The following SNX9 variants were observed in gnomAD, a reference collection of about 807,000 sequenced individuals.
The protein encoded by SNX9 is sorting nexin 9.
In SNX9, 44 loss-of-function variants were observed where a neutral mutation model predicts 89.4. The observed-to-expected ratio is 0.49, with a 90% CI of 0.39 to 0.63. The LOEUF (loss-of-function observed/expected upper bound fraction) is 0.63, where lower values mean the gene tolerates loss of function less well. SNX9 is among the 30% of genes least tolerant of loss of function. The pLI is 0.00. For synonymous variants in SNX9, 236 were observed against 247.8 expected (o/e 0.95, Z 0.45); for missense variants, 578 against 736.1 (o/e 0.79, Z 2.49).
At position 157,834,150 on chromosome 6, in the gene SNX9, GTTTTTTTTTTTTTTTTT is replaced by G. The variant is rs561509955; in HGVS notation, c.12+10723_12+10739del. 2.3e-3 allele frequency among the ~76,000 whole-genome samples: 82 copies of G among 35,652 alleles called. 2 individuals carry two copies. The highest frequency in any genetic ancestry group is 3.3e-3 in the East Asian group (3 of 902). 23.4% of individuals were successfully genotyped at this position (35,652 alleles called of 152,430 possible). A position where few individuals can be genotyped will look rare whatever the true frequency, so the allele number is the denominator to read the frequency against. On this transcript the variant is annotated intron_variant, in intron 1 of 17. Transcript: ENST00000392185. Reference sequence around the variant, plus strand: ...ATCCTGCCATGTGGTGTCCACTGTGGTTTTTTTTTTTTTTTTTTTTTTTTTTTTTTTTTTTGAGTCAG... The same window carrying G: ...ATCCTGCCATGTGGTGTCCACTGTGGTTTTTTTTTTTTTTTTTTGAGTCAG...
intron 5 of SNX9, among the ~76,000 whole-genome samples, chr6:157,899,207 A>G (rs1271039855): frequency 6.6e-6 from 1 of 151,248 alleles, no homozygotes; most frequent in Non-Finnish European, 1.5e-5. Flanking sequence ...TTACTTCTTC[A>G]CTCTCATCTT....
chr6:157,932,552 T>C (rs1440080172), intron 13 of SNX9, among the ~76,000 whole-genome samples: 1 of 152,170 alleles, frequency 6.6e-6, no homozygotes, highest in African/African-American at 2.4e-5. Flanking sequence ...TTCATTTCTC[T>C]GCCAAGTCTT....
intron 7 of SNX9, among the ~76,000 whole-genome samples, chr6:157,909,450 G>A (rs1004219379): frequency 7.9e-5 from 12 of 152,168 alleles, no homozygotes; most frequent in East Asian, 1.9e-4. Flanking sequence ...AGCTACTCAC[G>A]TGGGAGCAGA....
chr6:157,863,539 A>C (rs34652677), intron 1 of SNX9, among the ~76,000 whole-genome samples: 1 of 152,254 alleles, frequency 6.6e-6, no homozygotes, highest in Non-Finnish European at 1.5e-5. Context: ...GACCAGGACT[A>C]GGTGGAAATT....
intron 4 of SNX9, among the ~76,000 whole-genome samples, chr6:157,884,678 A>G (rs932569875): frequency 1.6e-4 from 25 of 152,100 alleles, no homozygotes; most frequent in Non-Finnish European, 5.9e-5. Flanking sequence ...ATTTATGGAC[A>G]TTTGCCTTCA....
At chr6:157,925,916 G>C (rs1259613578) in intron 10 of SNX9, among the ~76,000 whole-genome samples, 1 of 150,886 alleles carries the variant, frequency 6.6e-6, no homozygotes, top group Non-Finnish European at 1.5e-5. Flanking sequence ...AGCATTTGCT[G>C]TCTGGTGAGG....
chr6:157,870,859 C>T (rs1782392405), intron 2 of SNX9, among the ~76,000 whole-genome samples: 1 of 150,886 alleles, frequency 6.6e-6, no homozygotes, highest in African/African-American at 2.4e-5. Flanking sequence ...CCTGCTCTCA[C>T]ACAGATGCAG....
At chr6:157,914,155 G>A (rs1783409278) in intron 9 of SNX9, among the ~76,000 whole-genome samples, 1 of 152,134 alleles carries the variant, frequency 6.6e-6, no homozygotes, top group Admixed American at 6.5e-5. Context: ...ACCTGCACTT[G>A]ATAGTGTCAG....
intron 1 of SNX9, among the ~76,000 whole-genome samples, chr6:157,862,665 T>C (rs1328300600): frequency 1.3e-5 from 2 of 152,216 alleles, no homozygotes; most frequent in African/African-American, 4.8e-5. Context: ...ATGAACTTTT[T>C]TTATTGCCAG....
chr6:157,911,167 G>A (rs1207645548), intron 9 of SNX9, among the ~76,000 whole-genome samples: 1 of 152,100 alleles, frequency 6.6e-6, no homozygotes, highest in Non-Finnish European at 1.5e-5. Flanking sequence ...CAGACTTAAA[G>A]GTTAGACAGA....
intron 6 of SNX9, among the ~76,000 whole-genome samples, chr6:157,903,103 A>G (rs915964562): frequency 6.6e-6 from 1 of 152,148 alleles, no homozygotes; most frequent in Admixed American, 6.5e-5. Flanking sequence ...CTTGAAGGAG[A>G]TATATTAGTA....
chr6:157,825,086 A>G (rs1247336552), intron 1 of SNX9, among the ~76,000 whole-genome samples: 1 of 152,106 alleles, frequency 6.6e-6, no homozygotes. Flanking sequence ...TGTCTCTACT[A>G]AAAATACAGA....
chr6:157,905,889 G>T (rs1783205331), intron 6 of SNX9, among the ~76,000 whole-genome samples: 1 of 152,140 alleles, frequency 6.6e-6, no homozygotes, highest in Admixed American at 6.5e-5. Flanking sequence ...CAAATAGAGT[G>T]CCCGTAAACA....
chr6:157,916,853 G>A (rs1056458748), intron 9 of SNX9, among the ~76,000 whole-genome samples: 2 of 152,188 alleles, frequency 1.3e-5, no homozygotes, highest in Admixed American at 6.5e-5. Flanking sequence ...TTTGGTTCAC[G>A]ATGGTTATTG....
intron 10 of SNX9, among the ~76,000 whole-genome samples, chr6:157,923,413 C>T (rs1783622691): frequency 6.9e-6 from 1 of 145,000 alleles, no homozygotes; most frequent in Non-Finnish European, 1.5e-5. Context: ...TCAGCAAAAA[C>T]AGAAATTGAA....
intron 4 of SNX9, among the ~76,000 whole-genome samples, chr6:157,892,483 AAAAC>A (rs1421009474): frequency 6.6e-6 from 1 of 152,194 alleles, no homozygotes; most frequent in Non-Finnish European, 1.5e-5. Flanking sequence ...AGGAAAAAAA[AAAAC>A]AAAACCAAAG....
At chr6:157,928,571 T>A (rs1357399716) in intron 11 of SNX9, 28 bp from the exon 12 acceptor site, 1 of 1,567,624 alleles carries the variant, frequency 6.4e-7, no homozygotes, top group Non-Finnish European at 8.7e-7. Flanking sequence ...CTCCTGCTTA[T>A]GTGACTGACG....
In SNX9 at chr6:157,848,182, C is replaced by A. The variant is rs933105105; in HGVS notation, c.13-19365C>A. ...TGTTCCTGGCTTTTCACCACTATGTCCCCCTAGAACAGCATTCATGGTACT... is the reference window on the plus strand; with the variant it reads ...TGTTCCTGGCTTTTCACCACTATGTACCCCTAGAACAGCATTCATGGTACT... On this transcript the variant is annotated intron_variant, in intron 1 of 17. Coordinates refer to ENST00000392185, the MANE Select transcript of SNX9 (RefSeq NM_016224.5). Among the ~76,000 whole-genome samples, 3 of 152,302 alleles carry A rather than the reference C, an allele frequency of 2.0e-5. No homozygotes were observed. In the East Asian group the frequency reaches 5.8e-4, roughly 29 times the overall value.
At chr6:157,840,687 A>G (rs73573823) in intron 1 of SNX9, among the ~76,000 whole-genome samples, 6,438 of 152,222 alleles carry the variant, frequency 0.042, 448 homozygotes, top group African/African-American at 0.15. Flanking sequence ...GTCAATCAGT[A>G]AGAGAGCTTC....
Sources: gnomAD v4.1 joint callset for allele counts (sites outside exome capture counted in the v4.1 genomes callset) on GRCh38, gnomAD v4.1.1 for gene constraint, MANE v1.5 for transcripts, NCBI Gene and HGNC (gene_info 2026-07-23, HGNC 2026-07-21) for gene names.